TEX264: variants seen among roughly 807,000 people sequenced by gnomAD.
The protein encoded by TEX264 is testis expressed 264, ER-phagy receptor, also known as testis-expressed protein 264.
Under a neutral mutation model 23.4 loss-of-function variants are expected in TEX264, and 13 were observed. The ratio of observed to expected loss-of-function variants is 0.56; its 90% confidence interval spans 0.36 to 0.88. TEX264 has a LOEUF of 0.88. Among genes scored for constraint, TEX264 ranks in the 40% least tolerant of loss-of-function variants. TEX264 has a pLI of 0.01. For missense variants in TEX264, 340 were observed against 406.8 expected, an observed-to-expected ratio of 0.84 and a Z score of 1.41; for synonymous variants, 159 against 170.0, an observed-to-expected ratio of 0.94 and a Z score of 0.50.
intron 4 of TEX264, among the ~76,000 whole-genome samples, chr3:51,700,572 C>T (rs937790391): frequency 2.6e-5 from 4 of 152,082 alleles, no homozygotes; most frequent in African/African-American, 9.7e-5. Flanking sequence ...CTACTGTGGG[C>T]ACAGGACATG....
intron 3 of TEX264, among the ~76,000 whole-genome samples, chr3:51,684,856 A>G (rs1449765335): frequency 1.3e-5 from 2 of 152,224 alleles, no homozygotes; most frequent in African/African-American, 2.4e-5. Flanking sequence ...TCCCAAGAGC[A>G]TGGAGAACTT....
At chr3:51,672,906 A>T (rs763727816) in intron 1 of TEX264, among the ~76,000 whole-genome samples, 3 of 152,252 alleles carry the variant, frequency 2.0e-5, no homozygotes, top group Non-Finnish European at 2.9e-5. Flanking sequence ...AATGAAAGTT[A>T]CTGGAGACAA....
chr3:51,694,121 T>G (rs1402166338), intron 3 of TEX264, among the ~76,000 whole-genome samples: 6 of 147,848 alleles, frequency 4.1e-5, no homozygotes, highest in Admixed American at 2.7e-4. Context: ...CCTTCCTTCC[T>G]TCCTTCCTTC....
At chr3:51,695,260 C>G (rs1216696800) in intron 3 of TEX264, among the ~76,000 whole-genome samples, 1 of 152,252 alleles carries the variant, frequency 6.6e-6, no homozygotes, top group Non-Finnish European at 1.5e-5. Context: ...GCCCCTCAGC[C>G]AGACCTCATC....
chr3:51,680,360 A>G (rs1277180489), intron 2 of TEX264, among the ~76,000 whole-genome samples: 1 of 152,188 alleles, frequency 6.6e-6, no homozygotes, highest in East Asian at 1.9e-4. Flanking sequence ...TGTCTTCGCT[A>G]TAGCCTCACA....
At chr3:51,676,190 C>G (rs757260920) in intron 2 of TEX264, among the ~76,000 whole-genome samples, 5 of 152,212 alleles carry the variant, frequency 3.3e-5, no homozygotes, top group East Asian at 1.9e-4. Context: ...GCCCTGCCCC[C>G]CCTTCCACAC....
Position 51,675,701 on chromosome 3 carries a change from G to T in TEX264, c.258+1139G>T, listed in dbSNP as rs141112478. ...GTCTGCTGGGGAGGCTCAGAGAAGG[G>T]GTAGATTTCAGCTGGGCCTTCTCAT... On this transcript the variant is annotated intron_variant, in intron 2 of 4. Coordinates refer to ENST00000341333, the MANE Select transcript of TEX264 (RefSeq NM_015926.6). Among the ~76,000 whole-genome samples, 377 of 152,276 alleles carry T rather than the reference G, an allele frequency of 2.5e-3. 3 individuals carry two copies. The highest frequency in any genetic ancestry group is 8.4e-3 in the African/African-American group (349 of 41,548).
At chr3:51,682,902 C>G (rs1702485352) in intron 2 of TEX264, 1 of 152,212 alleles carries the variant, frequency 6.6e-6, no homozygotes, top group African/African-American at 2.4e-5. Context: ...GTGCCCAAGT[C>G]CCAGGCAAAC....
intron 3 of TEX264, among the ~76,000 whole-genome samples, chr3:51,698,228 G>T (rs562530508): frequency 1.3e-5 from 2 of 152,060 alleles, no homozygotes; most frequent in Admixed American, 6.5e-5. Flanking sequence ...GTTGAAGGAG[G>T]TTCCTCAACC....
intron 4 of TEX264, among the ~76,000 whole-genome samples, 185 bp downstream of exon 4, chr3:51,699,759 C>T (rs1703216658): frequency 6.6e-6 from 1 of 152,124 alleles, no homozygotes. Flanking sequence ...TGTTCCCAGA[C>T]ACATGGATCT....
chr3:51,694,101 T>G (rs990632161), intron 3 of TEX264, among the ~76,000 whole-genome samples: 28 of 135,816 alleles, frequency 2.1e-4, no homozygotes, highest in East Asian at 6.5e-4. Flanking sequence ...CCTTCCTTCC[T>G]TCCTTCCTTC....
rs879740716 is a variant in TEX264 at position 51,703,082 on chromosome 3, G to T, written c.650-642G>T. 3.3e-5 allele frequency among the ~76,000 whole-genome samples: 5 copies of T among 152,172 alleles called. No homozygotes were observed. The highest frequency in any genetic ancestry group is 4.4e-5 in the Non-Finnish European group (3 of 68,030). ...GTTTCATCCCAGCACCCTCCTCCTT[G>T]CAGCTGGTTGAGTATTTCTCAGGCC... On this transcript the variant is annotated intron_variant, in intron 4 of 4. Coordinates refer to ENST00000341333, the MANE Select transcript of TEX264 (RefSeq NM_015926.6). The surrounding 1 kb of genome is among the most constrained non-coding windows in gnomAD (Gnocchi z 4.8).
In TEX264 at chr3:51,684,449, A is replaced by C. The variant is rs757769424; in HGVS notation, c.295A>C (p.Ile99Leu). The change falls in exon 3 of 5, where the codon ATC (isoleucine) becomes CTC (leucine). Residue 99 changes from isoleucine (I) to leucine (L), a missense_variant. Physicochemically the swap from Ile to Leu is conservative, Grantham distance 5. Transcript: ENST00000341333. ...TAAGTGCCGATGTGCCGTGGGCAGC[A>C]TCCTGAGTGAAGGTGAGGAATCGCC... ...PDKCRCAVGSILSEGEESPSP... is the reference protein window; with the variant it reads ...PDKCRCAVGSLLSEGEESPSP... The C allele has an allele frequency of 6.2e-7, 1 of 1,614,226 alleles. No individual in the cohort carries two copies. Among genetic ancestry groups the C allele is most frequent in the Non-Finnish European group, 8.5e-7 (1 of 1,180,050 alleles).
Position 51,699,522 on chromosome 3 carries a change from G to A in TEX264, c.597G>A (p.Glu199=). 6.2e-7 allele frequency: 1 copy of A among 1,614,120 alleles called. No homozygotes were observed. Among genetic ancestry groups the A allele is most frequent in the Non-Finnish European group, 8.5e-7 (1 of 1,179,952 alleles). ...DFYVPEMKET[E]WKWRGLVEAI... ...ATGTGCCTGAGATGAAGGAGACAGA[G>A]TGGAAATGGCGGGGGCTTGTGGAGG... is the stretch of plus-strand genomic sequence containing the variant. Residue 199 remains glutamate (E), a synonymous_variant, in exon 4 of 5, where the codon GAG becomes GAA. Coordinates refer to ENST00000341333, the MANE Select transcript of TEX264 (RefSeq NM_015926.6).
rs376154477 is a variant in TEX264, at chr3:51,693,075, A to G, written c.481-6331A>G. ...CCCATGTGCCTGCTTAGAGGGAAAC[A>G]TTGTTTCCCCACCCCTCAATACCCC... On this transcript the variant is annotated intron_variant, in intron 3 of 4. Coordinates refer to ENST00000341333, the MANE Select transcript of TEX264 (RefSeq NM_015926.6). 1.3e-4 allele frequency among the ~76,000 whole-genome samples: 20 copies of G among 152,290 alleles called. No individual in the cohort carries two copies. The East Asian group carries it at 2.1e-3, about 16-fold the overall frequency.
chr3:51,689,451 T>TC (rs1702745409), intron 3 of TEX264, among the ~76,000 whole-genome samples: 1 of 122,764 alleles, frequency 8.1e-6, no homozygotes, highest in African/African-American at 3.0e-5. Context: ...AGTAAAAACA[T>TC]TAAAAAAAAA....
chr3:51,703,759 T>C lies in TEX264; in HGVS notation c.685T>C (p.Leu229=). 1 of 1,602,954 alleles carries C rather than the reference T, an allele frequency of 6.2e-7. No homozygotes were observed. The highest frequency in any genetic ancestry group is 8.5e-7 in the Non-Finnish European group (1 of 1,171,328). Residue 229 remains leucine, a synonymous_variant, in exon 5 of 5, where the codon TTG becomes CTG. Coordinates refer to ENST00000341333, the MANE Select transcript of TEX264 (RefSeq NM_015926.6). This position sits in a 1 kb window ranked among gnomAD's most constrained non-coding sequence, Gnocchi z 4.8. ...DTMSDTSSVS[L]EVSPGSRETS... ...AATGAGTGACACGAGTTCTGTAAGC[T>C]TGGAAGTGAGCCCTGGCAGCCGGGA...
chr3:51,678,789 AGT>A (rs1363525204), intron 2 of TEX264, among the ~76,000 whole-genome samples: 1 of 151,976 alleles, frequency 6.6e-6, no homozygotes, highest in African/African-American at 2.4e-5. Flanking sequence ...CTCCTCCCTC[AGT>A]GTGTGTGGAG....
rs774831464 is a variant in TEX264 at position 51,686,280 on chromosome 3, G to C, written c.480+1646G>C. ...TGGCAGCAAAGGCTGCGCAGAGGGC[G>C]TGGCCAGTGTGGCAGGGGTCAGGGA... On this transcript the variant is annotated intron_variant, in intron 3 of 4. Coordinates refer to ENST00000341333, the MANE Select transcript of TEX264 (RefSeq NM_015926.6). This position sits in a 1 kb window ranked among gnomAD's most constrained non-coding sequence, Gnocchi z 4.1. Among the ~76,000 whole-genome samples, 3 of 152,212 alleles carry C rather than the reference G, an allele frequency of 2.0e-5. No individual in the cohort carries two copies. Among genetic ancestry groups the C allele is most frequent in the Admixed American group, 1.3e-4 (2 of 15,282 alleles).
Sources: allele counts gnomAD v4.1 joint callset (sites outside exome capture counted in the v4.1 genomes callset), GRCh38; gene constraint gnomAD v4.1.1; non-coding constraint Gnocchi (gnomAD v3.1); transcripts MANE v1.5; gene names NCBI Gene and HGNC (gene_info 2026-07-23, HGNC 2026-07-21).